RPS6KC1: variants seen among roughly 807,000 people sequenced by gnomAD.
RPS6KC1 encodes ribosomal protein S6 kinase C1, also known as inactive ribosomal protein S6 kinase delta-1.
Under a neutral mutation model 103.8 loss-of-function variants are expected in RPS6KC1, and 54 were observed. The observed-to-expected ratio is 0.52, with a 90% CI of 0.42 to 0.65. RPS6KC1 has a LOEUF of 0.65. Among genes scored for constraint, RPS6KC1 ranks in the 30% least tolerant of loss-of-function variants. The pLI, the probability that RPS6KC1 is intolerant of heterozygous loss-of-function variation, is 0.00. For synonymous variants in RPS6KC1, 439 were observed against 438.7 expected (o/e 1.00, Z -0.01); for missense variants, 1,151 against 1,253.8 (o/e 0.92, Z 1.24).
At chr1:213,378,125 T>C in the RPS6KC1 span, among the ~76,000 whole-genome samples, 1 of 152,246 alleles carries the variant, frequency 6.6e-6, no homozygotes, top group Non-Finnish European at 1.5e-5. Flanking sequence ...TGAGGTACGC[T>C]GTTGTAAGCT....
the RPS6KC1 span, among the ~76,000 whole-genome samples, chr1:213,363,617 GCTTGCTTGCTTT>G: frequency 4.9e-3 from 438 of 89,410 alleles, 2 homozygotes; most frequent in Middle Eastern, 0.012. Flanking sequence ...TTGCTTGCTT[GCTTGCTTGCTTT>G]CTTTCTTTCT....
At chr1:213,345,312 T>G in the RPS6KC1 span, among the ~76,000 whole-genome samples, 2 of 152,250 alleles carry the variant, frequency 1.3e-5, no homozygotes, top group Non-Finnish European at 1.5e-5. Context: ...TCTTTTACTT[T>G]CTTGAACATA....
the RPS6KC1 span, among the ~76,000 whole-genome samples, chr1:213,553,415 A>G: frequency 6.6e-6 from 1 of 152,176 alleles, no homozygotes; most frequent in African/African-American, 2.4e-5. Context: ...CCATTGATGG[A>G]CATCTAGGTT....
At chr1:213,467,795 G>C in the RPS6KC1 span, among the ~76,000 whole-genome samples, 1 of 152,052 alleles carries the variant, frequency 6.6e-6, no homozygotes. Flanking sequence ...TATTTTCTAG[G>C]GCTCACTTCC....
intron 6 of RPS6KC1, among the ~76,000 whole-genome samples, chr1:213,145,717 A>AT (rs943429758): frequency 6.6e-6 from 1 of 151,842 alleles, no homozygotes; most frequent in African/African-American, 2.4e-5. Context: ...CATAATTTTT[A>AT]TTTTTTTCAA....
At chr1:213,183,721 T>C (rs2092397732) in intron 8 of RPS6KC1, among the ~76,000 whole-genome samples, 1 of 151,982 alleles carries the variant, frequency 6.6e-6, no homozygotes, top group Non-Finnish European at 1.5e-5. Flanking sequence ...TCTAGGTTCC[T>C]AACTCAAAAG....
chr1:213,622,139 T>C, the RPS6KC1 span, among the ~76,000 whole-genome samples: 1 of 152,068 alleles, frequency 6.6e-6, no homozygotes, highest in Non-Finnish European at 1.5e-5. Flanking sequence ...ACTTGAAATG[T>C]TCCCCCTGCA....
intron 6 of RPS6KC1, among the ~76,000 whole-genome samples, chr1:213,161,828 T>C (rs1224815909): frequency 6.6e-6 from 1 of 152,218 alleles, no homozygotes; most frequent in East Asian, 1.9e-4. Context: ...TTGATCACTT[T>C]AGATCATTTC....
chr1:213,601,340 CAT>C, the RPS6KC1 span, among the ~76,000 whole-genome samples: 7 of 146,862 alleles, frequency 4.8e-5, no homozygotes, highest in South Asian at 4.2e-4. Flanking sequence ...ATTTATAAAA[CAT>C]ATGTAAATAT....
chr1:213,152,044 CG>C (rs1395068285), intron 6 of RPS6KC1, among the ~76,000 whole-genome samples: 1 of 141,712 alleles, frequency 7.1e-6, no homozygotes, highest in Non-Finnish European at 1.5e-5. Flanking sequence ...GGCAGCTGGC[CG>C]GGCGGGGGGC....
chr1:213,216,475 T>C (rs1296400334), intron 8 of RPS6KC1, among the ~76,000 whole-genome samples: 1 of 151,960 alleles, frequency 6.6e-6, no homozygotes, highest in Non-Finnish European at 1.5e-5. Context: ...GACAGAAAGT[T>C]AACAAGGATA....
chr1:213,422,591 T>G, the RPS6KC1 span, among the ~76,000 whole-genome samples: 2 of 152,224 alleles, frequency 1.3e-5, no homozygotes, highest in African/African-American at 4.8e-5. Flanking sequence ...TTATTACTTA[T>G]TAAGTGTTTG....
At chr1:213,836,139 G>C in the RPS6KC1 span, 1 of 152,042 alleles carries the variant, frequency 6.6e-6, no homozygotes, top group East Asian at 1.9e-4. Context: ...ATCTTAGCAA[G>C]AGAGTAAAAA....
the RPS6KC1 span, among the ~76,000 whole-genome samples, chr1:213,835,571 A>G: frequency 5.3e-5 from 8 of 152,208 alleles, no homozygotes; most frequent in Non-Finnish European, 7.3e-5. Context: ...ACATCCCTCA[A>G]GAAATGCAGG....
chr1:213,724,248 C>G, the RPS6KC1 span, among the ~76,000 whole-genome samples: 11,895 of 152,122 alleles, frequency 0.078, 604 homozygotes, highest in Middle Eastern at 0.18. Context: ...CCACTGCACC[C>G]GGCAAATTTT....
intron 5 of RPS6KC1, among the ~76,000 whole-genome samples, chr1:213,127,935 G>A (rs1405772820): frequency 1.3e-5 from 2 of 152,146 alleles, no homozygotes; most frequent in Non-Finnish European, 2.9e-5. Context: ...CATTCAGTGT[G>A]CAAGACAGAC....
chr1:213,491,501 T>C, the RPS6KC1 span, among the ~76,000 whole-genome samples: 1 of 152,064 alleles, frequency 6.6e-6, no homozygotes, highest in African/African-American at 2.4e-5. Flanking sequence ...TGAGCTGAGA[T>C]TGCACCATTG....
At chr1:213,775,384 T>C in the RPS6KC1 span, among the ~76,000 whole-genome samples, 1 of 152,202 alleles carries the variant, frequency 6.6e-6, no homozygotes, top group Non-Finnish European at 1.5e-5. Flanking sequence ...ACATTTTATG[T>C]AGACATATCT....
chr1:213,793,574 C>T, the RPS6KC1 span, among the ~76,000 whole-genome samples: 3 of 152,126 alleles, frequency 2.0e-5, no homozygotes, highest in East Asian at 3.9e-4. Flanking sequence ...CTGCCCATAA[C>T]GGCCTGGATA....
Sources: gnomAD v4.1 joint callset for allele counts (sites outside exome capture counted in the v4.1 genomes callset) on GRCh38, gnomAD v4.1.1 for gene constraint, MANE v1.5 for transcripts, NCBI Gene and HGNC (gene_info 2026-07-23, HGNC 2026-07-21) for gene names.